NDRG3: variants seen among roughly 807,000 people sequenced by gnomAD.
The protein encoded by NDRG3 is protein NDRG3.
NDRG3 carries 23 observed loss-of-function variants against 57.2 expected under a neutral mutation model. The observed-to-expected ratio is 0.40, with a 90% CI of 0.29 to 0.57. NDRG3 has a LOEUF of 0.57. NDRG3 is among the 20% of genes least tolerant of loss of function. NDRG3 has a pLI of 0.42. For missense variants in NDRG3, 384 were observed against 457.3 expected (o/e 0.84, Z 1.46); for synonymous variants, 132 against 162.6 (o/e 0.81, Z 1.43).
At chr20:36,730,524 G>A (rs1449777249) in intron 1 of NDRG3, among the ~76,000 whole-genome samples, 1 of 151,806 alleles carries the variant, frequency 6.6e-6, no homozygotes, top group African/African-American at 2.4e-5. Context: ...TGAACATACT[G>A]GAGAAACAAA....
chr20:36,698,747 C>T (rs577896996), intron 3 of NDRG3, among the ~76,000 whole-genome samples: 4 of 151,832 alleles, frequency 2.6e-5, no homozygotes, highest in South Asian at 4.2e-4. Flanking sequence ...AAATGAATTA[C>T]GATTTATTCA....
At chr20:36,704,617 A>C (rs1228426777) in intron 3 of NDRG3, among the ~76,000 whole-genome samples, 2 of 152,212 alleles carry the variant, frequency 1.3e-5, no homozygotes, top group African/African-American at 4.8e-5. Context: ...TCAAATTAAA[A>C]ACAATCCAAC....
intron 4 of NDRG3, 84 bp downstream of exon 4, chr20:36,688,595 C>A: frequency 9.9e-7 from 1 of 1,014,994 alleles, no homozygotes; most frequent in East Asian, 2.4e-5. Flanking sequence ...AACCTCTGCT[C>A]TATTAGAATA....
intron 3 of NDRG3, among the ~76,000 whole-genome samples, chr20:36,693,484 C>T (rs1461598271): frequency 8.6e-5 from 13 of 151,704 alleles, no homozygotes; most frequent in Non-Finnish European, 2.9e-5. Context: ...ATATTATAAA[C>T]TGCAGGGGTC....
intron 3 of NDRG3, 46 bp downstream of exon 3, chr20:36,706,926 G>A (rs754487445): frequency 5.1e-6 from 8 of 1,554,906 alleles, no homozygotes; most frequent in Non-Finnish European, 7.1e-6. Context: ...AGGAAACACT[G>A]CAGAGATCCT....
intron 1 of NDRG3, among the ~76,000 whole-genome samples, chr20:36,725,361 G>A (rs1282796950): frequency 1.3e-5 from 2 of 152,088 alleles, no homozygotes; most frequent in South Asian, 2.1e-4. Flanking sequence ...TGTAATCCCA[G>A]CACGCTGGGA....
chr20:36,696,641 C>T (rs776604290), intron 3 of NDRG3, among the ~76,000 whole-genome samples: 9 of 151,992 alleles, frequency 5.9e-5, no homozygotes, highest in Admixed American at 2.0e-4. Flanking sequence ...TACAGACGCG[C>T]GCCACCATGC....
intron 1 of NDRG3, among the ~76,000 whole-genome samples, chr20:36,741,449 A>C (rs1985924534): frequency 6.6e-6 from 1 of 152,200 alleles, no homozygotes; most frequent in African/African-American, 2.4e-5. Context: ...TTTAATCCAT[A>C]AATATTTTAC....
At chr20:36,729,826 C>A (rs1370096720) in intron 1 of NDRG3, among the ~76,000 whole-genome samples, 1 of 151,978 alleles carries the variant, frequency 6.6e-6, no homozygotes, top group Non-Finnish European at 1.5e-5. Flanking sequence ...CCATGCCCAG[C>A]CAATTAGCAA....
intron 3 of NDRG3, among the ~76,000 whole-genome samples, chr20:36,701,048 A>G (rs547766633): frequency 4.7e-4 from 71 of 152,322 alleles, no homozygotes; most frequent in Non-Finnish European, 7.8e-4. Flanking sequence ...TGCTGGGAAT[A>G]TAGGCATGAG....
At chr20:36,670,040 C>T (rs1266856501) in intron 9 of NDRG3, among the ~76,000 whole-genome samples, 1 of 152,226 alleles carries the variant, frequency 6.6e-6, no homozygotes, top group African/African-American at 2.4e-5. Context: ...AGTACACACT[C>T]TGTCATTCCA....
At chr20:36,698,426 C>A (rs1457115903) in intron 3 of NDRG3, among the ~76,000 whole-genome samples, 1 of 151,888 alleles carries the variant, frequency 6.6e-6, no homozygotes, top group South Asian at 2.1e-4. Context: ...CCTGTCTCTA[C>A]AAAAAATTTT....
chr20:36,667,082 G>A (rs1330213050), intron 9 of NDRG3, among the ~76,000 whole-genome samples: 2 of 151,992 alleles, frequency 1.3e-5, no homozygotes, highest in African/African-American at 2.4e-5. Flanking sequence ...GTGATCTGCT[G>A]CACCTGGCTA....
At chr20:36,663,592 A>G (rs1979382014) in intron 12 of NDRG3, among the ~76,000 whole-genome samples, 1 of 152,210 alleles carries the variant, frequency 6.6e-6, no homozygotes, top group African/African-American at 2.4e-5. Flanking sequence ...AAAAGATTCA[A>G]TGCTAGACAG....
At chr20:36,698,992 A>G (rs1000265738) in intron 3 of NDRG3, among the ~76,000 whole-genome samples, 3 of 152,184 alleles carry the variant, frequency 2.0e-5, no homozygotes, top group Non-Finnish European at 4.4e-5. Context: ...CCCAGGCTAG[A>G]GTGCAGTGAT....
chr20:36,675,706 G>A (rs1454379294), intron 8 of NDRG3, among the ~76,000 whole-genome samples: 1 of 151,780 alleles, frequency 6.6e-6, no homozygotes, highest in Non-Finnish European at 1.5e-5. Context: ...ATTTTTTGTA[G>A]AGATGGGGTC....
chr20:36,676,729 C>A (rs1225214793), intron 8 of NDRG3, among the ~76,000 whole-genome samples: 1 of 152,260 alleles, frequency 6.6e-6, no homozygotes, highest in African/African-American at 2.4e-5. Context: ...TCCCAAAGTG[C>A]TGGGATAATG....
intron 3 of NDRG3, among the ~76,000 whole-genome samples, chr20:36,699,012 G>A (rs1251930263): frequency 6.6e-6 from 1 of 152,138 alleles, no homozygotes; most frequent in East Asian, 1.9e-4. Context: ...TGTGATCATA[G>A]CTCACTGCAG....
chr20:36,707,181 T>C (rs989731141), intron 2 of NDRG3, among the ~76,000 whole-genome samples, 174 bp from the exon 3 acceptor site: 1 of 152,206 alleles, frequency 6.6e-6, no homozygotes, highest in Non-Finnish European at 1.5e-5. Context: ...CATGTGTTAA[T>C]AAAGGCCAAA....
Sources: gnomAD v4.1 joint callset for allele counts (sites outside exome capture counted in the v4.1 genomes callset) on GRCh38, gnomAD v4.1.1 for gene constraint, MANE v1.5 for transcripts, NCBI Gene and HGNC (gene_info 2026-07-23, HGNC 2026-07-21) for gene names.